The following ARHGEF40 variants were observed in gnomAD, a reference collection of about 807,000 sequenced individuals.
The protein encoded by ARHGEF40 is Rho guanine nucleotide exchange factor (GEF) 40.
ARHGEF40 carries 98 observed loss-of-function variants against 165.9 expected under a neutral mutation model. The observed-to-expected ratio is 0.59, with a 90% CI of 0.50 to 0.70. The LOEUF (loss-of-function observed/expected upper bound fraction) is 0.70. Ranked by LOEUF, ARHGEF40 falls within the 30% of genes least tolerant of loss-of-function variation. ARHGEF40 has a pLI of 0.00. For missense variants in ARHGEF40, 1,815 were observed against 1,968.0 expected (o/e 0.92, Z 1.47); for synonymous variants, 792 against 814.3 (o/e 0.97, Z 0.47).
chr14:21,082,777 G>T, intron 15 of ARHGEF40, 54 bp from the exon 16 acceptor site: 1 of 1,549,436 alleles, frequency 6.5e-7, no homozygotes, highest in East Asian at 2.3e-5. Flanking sequence ...GAAGAGAGAG[G>T]CTTGTCTGCA....
rs1465842417 is a variant in ARHGEF40, at chr14:21,078,471, C to T, written c.2229C>T (p.Arg743=). 1 of 1,596,168 alleles carries T rather than the reference C, an allele frequency of 6.3e-7. No homozygotes were observed. Among genetic ancestry groups the T allele is most frequent in the Non-Finnish European group, 8.5e-7 (1 of 1,169,912 alleles). The part of the protein sequence containing the change: ...RDGGAILMRL[R]STPSSKLEGQ... ...GGGGGGCCATCCTGATGAGGCTGCG[C>T]TCCACTCCCAGCAGCAAGTACGAAG... The change falls in exon 10 of 24, where the codon CGC becomes CGT. Residue 743 remains arginine (R), a synonymous_variant. Coordinates refer to ENST00000298694, the MANE Select transcript of ARHGEF40 (RefSeq NM_018071.5).
At chr14:21,077,034 G>A in intron 8 of ARHGEF40, 144 bp downstream of exon 8, 1 of 630,766 alleles carries the variant, frequency 1.6e-6, no homozygotes, top group Non-Finnish European at 2.9e-6. Context: ...AAGTATTTAT[G>A]GCTCCCAAAT....
chr14:21,078,078 C>A, intron 8 of ARHGEF40, 99 bp from the exon 9 acceptor site: 1 of 1,040,006 alleles, frequency 9.6e-7, no homozygotes, highest in Non-Finnish European at 1.4e-6. Context: ...TTCAGCATTG[C>A]CTCCATAAAA....
chr14:21,078,463 A>C lies in ARHGEF40; in HGVS notation c.2221A>C (p.Arg741=). The C allele has an allele frequency of 6.2e-7, 1 of 1,604,806 alleles. No individual in the cohort carries two copies. The highest frequency in any genetic ancestry group is 8.5e-7 in the Non-Finnish European group (1 of 1,174,654). The change falls in exon 10 of 24, where the codon AGG becomes CGG. Residue 741 remains arginine, a synonymous_variant. Coordinates refer to ENST00000298694, the MANE Select transcript of ARHGEF40 (RefSeq NM_018071.5). The stretch of plus-strand genomic sequence containing the variant: ...GAGGGATGGGGGGGCCATCCTGATG[A>C]GGCTGCGCTCCACTCCCAGCAGCAA... ...LQRDGGAILM[R]LRSTPSSKLE...
chr14:21,078,088 AG>A (rs1347822797), intron 8 of ARHGEF40, 88 bp from the exon 9 acceptor site: 1 of 1,190,716 alleles, frequency 8.4e-7, no homozygotes, highest in African/African-American at 1.5e-5. Context: ...CCTCCATAAA[AG>A]TCTCTGGGGC....
At chr14:21,066,903 C>T (rs77484820), upstream of ARHGEF40, among the ~76,000 whole-genome samples, 29 of 152,262 alleles carry the variant, frequency 1.9e-4, no homozygotes, top group East Asian at 5.6e-3. Context: ...ATTTTTTACC[C>T]TAAAATAACT....
intron 1 of ARHGEF40, among the ~76,000 whole-genome samples, chr14:21,071,391 A>AG (rs1163509548): frequency 6.6e-6 from 1 of 151,630 alleles, no homozygotes; most frequent in African/African-American, 2.4e-5. Flanking sequence ...AGGCCTTGCC[A>AG]GGGGGAGCTC....
At chr14:21,076,713 C>G (rs1887456160) in intron 7 of ARHGEF40, 61 bp from the exon 8 acceptor site, 2 of 1,609,696 alleles carry the variant, frequency 1.2e-6, no homozygotes, top group African/African-American at 2.7e-5. Flanking sequence ...GGCTGGAGCC[C>G]CAGGCTGGTT....
In ARHGEF40 at chr14:21,073,321, C is replaced by A. The variant is rs908191147; in HGVS notation, c.201+79C>A. The A allele has an allele frequency of 2.1e-6, 3 of 1,419,948 alleles. No homozygotes were observed. The highest frequency in any genetic ancestry group is 2.8e-5 in the African/African-American group (2 of 70,582). 88.0% of individuals were successfully genotyped at this position (1,419,948 alleles called of 1,614,324 possible). On this transcript the variant is annotated intron_variant, in intron 2 of 23. Coordinates refer to ENST00000298694, the MANE Select transcript of ARHGEF40 (RefSeq NM_018071.5). The surrounding 1 kb of genome is among the most constrained non-coding windows in gnomAD (Gnocchi z 4.6). ...TACAGACTAGCCAGGCTGACTAATG[C>A]CCCCACTAACCTAGAGATACAGCCT... is the stretch of plus-strand genomic sequence containing the variant.
intron 1 of ARHGEF40, among the ~76,000 whole-genome samples, chr14:21,071,609 C>T (rs2139197843): frequency 6.6e-6 from 1 of 152,266 alleles, no homozygotes; most frequent in South Asian, 2.1e-4. Context: ...CCCCAGACCC[C>T]TCCTCCCCTC....
intron 16 of ARHGEF40, 119 bp from the exon 17 acceptor site, chr14:21,083,716 C>T (rs1888113900): frequency 2.3e-6 from 2 of 864,212 alleles, no homozygotes; most frequent in African/African-American, 1.7e-5. Flanking sequence ...CTTTAGGGAG[C>T]ATCTGGGCTT....
chr14:21,076,335 T>G, intron 5 of ARHGEF40, 25 bp from the exon 6 acceptor site: 1 of 1,603,518 alleles, frequency 6.2e-7, no homozygotes, highest in Non-Finnish European at 8.5e-7. Context: ...CACAGCAGCC[T>G]CCTTGGCTCT....
rs1375513985 is a variant in ARHGEF40, at chr14:21,072,200, C to G, written c.4-845C>G. ...CATTGACTCACTTAGGGAGGGGAGT[C>G]TGGATGAAGCAGGGCTGAGTCTTTT... On this transcript the variant is annotated intron_variant, in intron 1 of 23. Coordinates refer to ENST00000298694, the MANE Select transcript of ARHGEF40 (RefSeq NM_018071.5). The surrounding 1 kb of genome is among the most constrained non-coding windows in gnomAD (Gnocchi z 4.1). Among the ~76,000 whole-genome samples, 1 of 152,156 alleles carries G rather than the reference C, an allele frequency of 6.6e-6. No homozygotes were observed. Among genetic ancestry groups the G allele is most frequent in the Non-Finnish European group, 1.5e-5 (1 of 68,030 alleles).
At chr14:21,069,454 C>T (rs1256323089), upstream of ARHGEF40, among the ~76,000 whole-genome samples, 1 of 152,202 alleles carries the variant, frequency 6.6e-6, no homozygotes, top group African/African-American at 2.4e-5. Context: ...CTTCCCTCTT[C>T]TAGCCGAATA....
rs768328233 is a variant in ARHGEF40 at position 21,075,706 on chromosome 14, GC to G, written c.1685del (p.Pro562HisfsTer7). The G allele has an allele frequency of 3.7e-6, 6 of 1,613,690 alleles. No individual in the cohort carries two copies. The highest frequency in any genetic ancestry group is 4.2e-6 in the Non-Finnish European group (5 of 1,179,970). ...TTACCCCACCGTGCCCTCCTGAGGAGCCCCCACCCTCCCGAGACACGCTGAA... is the reference window on the plus strand; with the variant it reads ...TTACCCCACCGTGCCCTCCTGAGGAGCCCCACCCTCCCGAGACACGCTGAA... ...TITPPCPPEE[P>X]PPSRDTLNTT... On this transcript the variant is annotated frameshift_variant, in exon 5 of 24. Transcript: ENST00000298694. LOFTEE classifies it high-confidence loss of function. This position sits in a 1 kb window ranked among gnomAD's most constrained non-coding sequence, Gnocchi z 4.5.
In ARHGEF40 at chr14:21,081,450, C is replaced by T. The variant is rs558443412; in HGVS notation, c.2641-59C>T. 540 of 1,577,696 alleles carry T rather than the reference C, an allele frequency of 3.4e-4. 2 individuals carry two copies. Among genetic ancestry groups the T allele is most frequent in the Non-Finnish European group, 4.1e-4 (478 of 1,160,036 alleles). On this transcript the variant is annotated intron_variant, in intron 13 of 23. Coordinates refer to ENST00000298694, the MANE Select transcript of ARHGEF40 (RefSeq NM_018071.5). ...ACAAGGGCTGTCACTGGGCATCCTT[C>T]GTGAGCAACACAGGCCCTTACCCTT...
chr14:21,073,586 T>G lies in ARHGEF40; in HGVS notation c.201+344T>G, dbSNP rs531460709. On this transcript the variant is annotated intron_variant, in intron 2 of 23. Coordinates refer to ENST00000298694, the MANE Select transcript of ARHGEF40 (RefSeq NM_018071.5). The surrounding 1 kb of genome is among the most constrained non-coding windows in gnomAD (Gnocchi z 4.6). ...TCAAGACACTAACTCCCCCGTACAT[T>G]AGTCAACAGAGATCATTCATTTCTA... Among the ~76,000 whole-genome samples, 1 of 152,084 alleles carries G rather than the reference T, an allele frequency of 6.6e-6. No homozygotes were observed. The highest frequency in any genetic ancestry group is 1.9e-4 in the East Asian group (1 of 5,188).
At chr14:21,085,506 T>G (rs1888262234) in intron 18 of ARHGEF40, among the ~76,000 whole-genome samples, 183 bp from the exon 19 acceptor site, 1 of 152,220 alleles carries the variant, frequency 6.6e-6, no homozygotes, top group Non-Finnish European at 1.5e-5. Context: ...CTGGCCTCAT[T>G]TCCCCTTCTG....
the ARHGEF40 span, among the ~76,000 whole-genome samples, chr14:21,064,396 G>A: frequency 8.5e-6 from 1 of 117,364 alleles, no homozygotes; most frequent in South Asian, 2.9e-4. Flanking sequence ...CTGCCCCTTG[G>A]GTTCAAGCGA....
Sources: gnomAD v4.1 joint callset for allele counts (sites outside exome capture counted in the v4.1 genomes callset) on GRCh38, gnomAD v4.1.1 for gene constraint, Gnocchi (gnomAD v3.1) non-coding constraint, MANE v1.5 for transcripts, NCBI Gene and HGNC (gene_info 2026-07-23, HGNC 2026-07-21) for gene names.